YES1: variants seen among roughly 807,000 people sequenced by gnomAD.
The protein encoded by YES1 is tyrosine-protein kinase Yes.
A neutral mutation model predicts 70.4 loss-of-function variants in YES1; 39 were observed. That is an observed-to-expected ratio of 0.55 (90% CI 0.43 to 0.72). The LOEUF is 0.72. Among genes scored for constraint, YES1 ranks in the 30% least tolerant of loss-of-function variants. The pLI is 0.00. For synonymous variants in YES1, 198 were observed against 218.6 expected, an observed-to-expected ratio of 0.91 and a Z score of 0.83; for missense variants, 495 against 644.8, an observed-to-expected ratio of 0.77 and a Z score of 2.52.
intron 11 of YES1, among the ~76,000 whole-genome samples, chr18:726,554 C>T (rs1255913768): frequency 2.0e-5 from 3 of 151,400 alleles, no homozygotes; most frequent in African/African-American, 4.9e-5. Context: ...GCTGAGTGGG[C>T]GGATCACCTG....
intron 1 of YES1, among the ~76,000 whole-genome samples, chr18:792,368 T>A (rs1477426867): frequency 2.0e-5 from 3 of 151,716 alleles, no homozygotes; most frequent in Non-Finnish European, 4.4e-5. Context: ...GTTAAAAAAA[T>A]AAAATAAAAA....
chr18:810,699 A>G (rs1328904038), intron 1 of YES1, among the ~76,000 whole-genome samples: 1 of 152,218 alleles, frequency 6.6e-6, no homozygotes, highest in African/African-American at 2.4e-5. Context: ...ACCGACTTTT[A>G]GCTAATGTCC....
At chr18:763,550 C>A (rs1904701987) in intron 1 of YES1, among the ~76,000 whole-genome samples, 1 of 151,614 alleles carries the variant, frequency 6.6e-6, no homozygotes, top group Non-Finnish European at 1.5e-5. Context: ...CAAAAAATTA[C>A]CCAGTTGTGG....
At chr18:772,387 G>C (rs1216626911) in intron 1 of YES1, among the ~76,000 whole-genome samples, 1 of 151,798 alleles carries the variant, frequency 6.6e-6, no homozygotes, top group East Asian at 1.9e-4. Flanking sequence ...TTGTTTTCCA[G>C]AACTTATCGC....
intron 1 of YES1, among the ~76,000 whole-genome samples, chr18:765,501 C>A (rs1038140877): frequency 6.7e-6 from 1 of 149,644 alleles, no homozygotes; most frequent in African/African-American, 2.5e-5. Context: ...CCGGTTCAAG[C>A]GATTCTCCTG....
intron 10 of YES1, among the ~76,000 whole-genome samples, chr18:734,386 C>T (rs934220733): frequency 6.0e-5 from 9 of 150,008 alleles, no homozygotes; most frequent in Non-Finnish European, 1.3e-4. Context: ...AACCCCGTCA[C>T]TACTAAAAAT....
chr18:730,635 T>G (rs371207845), intron 11 of YES1, among the ~76,000 whole-genome samples: 62 of 152,322 alleles, frequency 4.1e-4, no homozygotes, highest in African/African-American at 1.5e-3. Context: ...TCTGTCTGGG[T>G]TTTACTGCCC....
At chr18:751,900 G>A (rs2080349035) in intron 2 of YES1, 96 bp from the exon 3 acceptor site, 6 of 801,316 alleles carry the variant, frequency 7.5e-6, no homozygotes, top group African/African-American at 7.0e-5. Flanking sequence ...AAAGCTTAAG[G>A]ATAGTTTTTT....
chr18:764,664 G>A (rs575204353), intron 1 of YES1, among the ~76,000 whole-genome samples: 36 of 152,298 alleles, frequency 2.4e-4, no homozygotes, highest in African/African-American at 7.9e-4. Flanking sequence ...TATGTTTAAA[G>A]CTCAGAAAAA....
At chr18:744,598 C>T (rs914912707) in intron 6 of YES1, among the ~76,000 whole-genome samples, 1 of 151,038 alleles carries the variant, frequency 6.6e-6, no homozygotes, top group Non-Finnish European at 1.5e-5. Context: ...CCATGTTGCC[C>T]AGGCTGGTCT....
At chr18:767,562 CATGTA>C (rs1161402280) in intron 1 of YES1, among the ~76,000 whole-genome samples, 1 of 152,158 alleles carries the variant, frequency 6.6e-6, no homozygotes, top group African/African-American at 2.4e-5. Flanking sequence ...AGCAATTAAC[CATGTA>C]TGTGTGTAGG....
At chr18:733,757 T>C (rs2080117949) in intron 10 of YES1, among the ~76,000 whole-genome samples, 1 of 111,914 alleles carries the variant, frequency 8.9e-6, no homozygotes, top group Non-Finnish European at 1.6e-5. Flanking sequence ...CACTCCAGCC[T>C]GGGCAACAGA....
chr18:803,608 G>C (rs1044906602), intron 1 of YES1, among the ~76,000 whole-genome samples: 2 of 152,196 alleles, frequency 1.3e-5, no homozygotes, highest in African/African-American at 4.8e-5. Flanking sequence ...ACCTAGGGAA[G>C]TTTCTGTACT....
At chr18:787,406 C>T (rs1047535603) in intron 1 of YES1, among the ~76,000 whole-genome samples, 2 of 151,680 alleles carry the variant, frequency 1.3e-5, no homozygotes, top group African/African-American at 4.8e-5. Flanking sequence ...CTGATACATA[C>T]TGTATTTAAA....
chr18:730,200 T>C (rs970230132), intron 11 of YES1, among the ~76,000 whole-genome samples: 1 of 152,080 alleles, frequency 6.6e-6, no homozygotes, highest in African/African-American at 2.4e-5. Flanking sequence ...TCTATCCAGT[T>C]TGGCTGGGCA....
rs180877486 is a variant in YES1 at position 811,280 on chromosome 18, C to T, written c.-9+834G>A. Among the ~76,000 whole-genome samples, 12 of 152,272 alleles carry T rather than the reference C, an allele frequency of 7.9e-5. No homozygotes were observed. In the East Asian group the frequency reaches 2.1e-3, roughly 27 times the overall value. On this transcript the variant is annotated intron_variant, in intron 1 of 11. Coordinates refer to ENST00000314574, the MANE Select transcript of YES1 (RefSeq NM_005433.4). Reference sequence around the variant, plus strand: ...TAATTATACAGTATGTTATTCCACGCCTGTATCAATTAATTATGCAGAAAA... The same window carrying T: ...TAATTATACAGTATGTTATTCCACGTCTGTATCAATTAATTATGCAGAAAA...
chr18:809,297 G>A (rs767232632), intron 1 of YES1, among the ~76,000 whole-genome samples: 24 of 151,772 alleles, frequency 1.6e-4, no homozygotes, highest in Admixed American at 4.6e-4. Context: ...TGTACATTTC[G>A]GAGTATTTGA....
At position 724,335 on chromosome 18, in the gene YES1, G is replaced by A. The variant is rs2079992465; in HGVS notation, c.*89C>T. 1 of 1,239,118 alleles carries A rather than the reference G, an allele frequency of 8.1e-7. No homozygotes were observed. The highest frequency in any genetic ancestry group is 1.1e-6 in the Non-Finnish European group (1 of 890,904). The allele number at this position is 1,239,118 out of a possible 1,614,324, so 76.8% of individuals were successfully genotyped here. ...TACCATTAAAAACATGCAGAGTAAA[G>A]AAGATTTTCTTCTTTTGATTCCTGT... On this transcript the variant is annotated 3_prime_UTR_variant, in exon 12 of 12. Coordinates refer to ENST00000314574, the MANE Select transcript of YES1 (RefSeq NM_005433.4).
Position 736,925 on chromosome 18 carries a change from A to G in YES1, c.1174T>C (p.Tyr392His). 1 of 1,611,290 alleles carries G rather than the reference A, an allele frequency of 6.2e-7. No homozygotes were observed. The highest frequency in any genetic ancestry group is 8.5e-7 in the Non-Finnish European group (1 of 1,179,950). Residue 392 changes from tyrosine to histidine, a missense_variant, in exon 10 of 12, where the codon TAT becomes CAT. Transcript: ENST00000314574. ...GCAGCCCGAAGATCTCGGTGAATAT[A>G]GTTCATTCTTTCAATATATGCCATA... ...DGMAYIERMN[Y>H]IHRDLRAANI...
Sources: allele counts gnomAD v4.1 joint callset (sites outside exome capture counted in the v4.1 genomes callset), GRCh38; gene constraint gnomAD v4.1.1; transcripts MANE v1.5; gene names NCBI Gene and HGNC (gene_info 2026-07-23, HGNC 2026-07-21).